Variants in HSPG2 observed in about 807,000 individuals in gnomAD.
The protein encoded by HSPG2 is heparan sulfate proteoglycan 2.
Under a neutral mutation model 526.6 loss-of-function variants are expected in HSPG2, and 278 were observed. That is an observed-to-expected ratio of 0.53 (90% CI 0.48 to 0.58). The LOEUF (loss-of-function observed/expected upper bound fraction) is 0.58. Ranked by LOEUF, HSPG2 falls within the 20% of genes least tolerant of loss-of-function variation. The pLI, the probability that HSPG2 is intolerant of heterozygous loss-of-function variation, is 0.00. For missense variants in HSPG2, 5,354 were observed against 6,099.5 expected, an observed-to-expected ratio of 0.88 and a Z score of 4.07; for synonymous variants, 2,465 against 2,555.4, an observed-to-expected ratio of 0.96 and a Z score of 1.07.
chr1:21,884,104 G>T (rs114502069), intron 13 of HSPG2, among the ~76,000 whole-genome samples: 3 of 152,142 alleles, frequency 2.0e-5, no homozygotes, highest in Non-Finnish European at 4.4e-5. Context: ...CTGAAAATGC[G>T]CTGAGCACAA....
Position 21,890,238 on chromosome 1 carries a change from G to T in HSPG2, c.414-97C>A. ...CGCCCCGACGCTCAGGCCCTGTTCC[G>T]GGACAGCCTGTACCCAAAGAAGGGC... On this transcript the variant is annotated intron_variant, in intron 5 of 96. Coordinates refer to ENST00000374695, the MANE Select transcript of HSPG2 (RefSeq NM_005529.7). This position sits in a 1 kb window ranked among gnomAD's most constrained non-coding sequence, Gnocchi z 4.1. 2 of 1,479,472 alleles carry T rather than the reference G, an allele frequency of 1.4e-6. No individual in the cohort carries two copies. The highest frequency in any genetic ancestry group is 1.9e-6 in the Non-Finnish European group (2 of 1,062,906). 91.6% of individuals were successfully genotyped at this position (1,479,472 alleles called of 1,614,324 possible).
At chr1:21,869,439 T>C (rs1298346681) in intron 33 of HSPG2, 12 of 985,746 alleles carry the variant, frequency 1.2e-5, no homozygotes, top group African/African-American at 1.7e-5. Flanking sequence ...TGGGTGGGGA[T>C]CCCTTGATGG....
rs1409123657 is a variant in HSPG2 at position 21,904,994 on chromosome 1, G to A, written c.64-8684C>T. Among the ~76,000 whole-genome samples, 2 of 152,100 alleles carry A rather than the reference G, an allele frequency of 1.3e-5. No homozygotes were observed. The highest frequency in any genetic ancestry group is 2.4e-5 in the African/African-American group (1 of 41,410). On this transcript the variant is annotated intron_variant, in intron 1 of 96. Transcript: ENST00000374695. The surrounding 1 kb of genome is among the most constrained non-coding windows in gnomAD (Gnocchi z 4.4). Reference sequence around the variant, plus strand: ...GTGCCAGGACTATGGAAGGATGGGCGGAATGTTCCACAAAGTTATGTTGCC... The same window carrying A: ...GTGCCAGGACTATGGAAGGATGGGCAGAATGTTCCACAAAGTTATGTTGCC...
At chr1:21,842,439 C>T in intron 67 of HSPG2, 59 bp from the exon 68 acceptor site, 2 of 1,503,506 alleles carry the variant, frequency 1.3e-6, no homozygotes, top group Non-Finnish European at 1.8e-6. Context: ...AGGAATGTCC[C>T]CAAGCCCAAC....
At chr1:21,869,418 A>T (rs571674348) in intron 33 of HSPG2, 1 of 984,310 alleles carries the variant, frequency 1.0e-6, no homozygotes, top group South Asian at 4.7e-5. Context: ...ACTGAAGTCT[A>T]GAAAGCATGG....
rs752775452 is a variant in HSPG2 at position 21,872,940 on chromosome 1, G to A, written c.3888+57C>T. On this transcript the variant is annotated intron_variant, in intron 31 of 96. Coordinates refer to ENST00000374695, the MANE Select transcript of HSPG2 (RefSeq NM_005529.7). The surrounding 1 kb of genome is among the most constrained non-coding windows in gnomAD (Gnocchi z 5.5). ...CCACCAGATGCTGCCTGATTTCCCC[G>A]CAGGGTCTGGGCAGCGGGGCAGAGC... 28 of 1,572,294 alleles carry A rather than the reference G, an allele frequency of 1.8e-5. No homozygotes were observed. The highest frequency in any genetic ancestry group is 1.1e-4 in the East Asian group (5 of 44,700).
At chr1:21,871,040 C>T (rs535493362) in intron 33 of HSPG2, among the ~76,000 whole-genome samples, 19 of 152,268 alleles carry the variant, frequency 1.2e-4, no homozygotes, top group South Asian at 1.2e-3. Context: ...CTGTGTCCAA[C>T]GAACAGGGAT....
chr1:21,908,378 A>G lies in HSPG2; in HGVS notation c.64-12068T>C. The G allele has an allele frequency of 2.8e-6, 3 of 1,061,854 alleles. No individual in the cohort carries two copies. The South Asian group carries it at 3.8e-5, about 13-fold the overall frequency. The allele number at this position is 1,061,854 out of a possible 1,614,324, so 65.8% of individuals were successfully genotyped here. A position where few individuals can be genotyped will look rare whatever the true frequency, so the allele number is the denominator to read the frequency against. ...GCCAAGAGAATTAATGTGCGTATTG[A>G]GCACATTAAGCACTCTGAGAGCCGA... On this transcript the variant is annotated intron_variant, in intron 1 of 96. Transcript: ENST00000374695.
At position 21,874,921 on chromosome 1, in the gene HSPG2, G is replaced by A. The variant is rs774467975; in HGVS notation, c.3384C>T (p.Cys1128=). The A allele has an allele frequency of 2.5e-6, 4 of 1,612,896 alleles. No homozygotes were observed. The South Asian group carries it at 3.3e-5, about 13-fold the overall frequency. The part of the protein sequence containing the change: ...DPALEVEQCS[C]PPGYRGPSCQ... ...AGGACGGCCCACGGTACCCGGGTGGGCAGGAGCACTGTTCCACTTCCAGCG... is the reference window on the plus strand; with the variant it reads ...AGGACGGCCCACGGTACCCGGGTGGACAGGAGCACTGTTCCACTTCCAGCG... Residue 1128 remains cysteine, a synonymous_variant, in exon 26 of 97, where the codon TGC becomes TGT. Coordinates refer to ENST00000374695, the MANE Select transcript of HSPG2 (RefSeq NM_005529.7).
chr1:21,847,699 G>C lies in HSPG2; in HGVS notation c.8015C>G (p.Ser2672Cys), dbSNP rs202238378. ...TWYKRGGSLPSRHQTHGSHLR... is the reference protein window; with the variant it reads ...TWYKRGGSLPCRHQTHGSHLR... ...GGCTCCACTCTGTACCTGGTGTCGGGAGGGAAGGCTGCCCCCACGCTTGTA... is the reference window on the plus strand; with the variant it reads ...GGCTCCACTCTGTACCTGGTGTCGGCAGGGAAGGCTGCCCCCACGCTTGTA... Residue 2672 changes from serine to cysteine, a missense_variant, in exon 61 of 97, where the codon TCC becomes TGC. By Grantham distance (112) the Ser-to-Cys change is moderately radical (BLOSUM62 -1). Coordinates refer to ENST00000374695, the MANE Select transcript of HSPG2 (RefSeq NM_005529.7). This position sits in a 1 kb window ranked among gnomAD's most constrained non-coding sequence, Gnocchi z 4.1. The C allele has an allele frequency of 6.2e-7, 1 of 1,608,828 alleles. No individual in the cohort carries two copies. The highest frequency in any genetic ancestry group is 8.5e-7 in the Non-Finnish European group (1 of 1,177,886).
chr1:21,929,439 G>A (rs72871789), intron 1 of HSPG2, among the ~76,000 whole-genome samples: 13,509 of 150,996 alleles, frequency 0.089, 1,532 homozygotes, highest in African/African-American at 0.26. Flanking sequence ...ACAGGATCGC[G>A]TTCTATCACC....
chr1:21,927,495 G>T (rs1009453794), intron 1 of HSPG2, among the ~76,000 whole-genome samples: 11 of 149,420 alleles, frequency 7.4e-5, no homozygotes, highest in Admixed American at 6.7e-4. Context: ...GTAGGCCAGG[G>T]GGGGACAGGG....
At chr1:21,835,285 G>C (rs2098021887) in intron 76 of HSPG2, 4 of 598,486 alleles carry the variant, frequency 6.7e-6, no homozygotes, top group Non-Finnish European at 1.2e-5. Flanking sequence ...CACCATGCCC[G>C]GTTCACACTG....
At chr1:21,871,258 GTTT>G (rs5772965) in intron 33 of HSPG2, among the ~76,000 whole-genome samples, 3 of 114,698 alleles carry the variant, frequency 2.6e-5, no homozygotes, top group Admixed American at 1.0e-4. Flanking sequence ...CAGAGTATTT[GTTT>G]TTTTTTTTTT....
Position 21,838,885 on chromosome 1 carries a change from G to A in HSPG2, c.10090C>T (p.Arg3364Cys), listed in dbSNP as rs755855793. Residue 3364 changes from arginine (R) to cysteine (C), a missense_variant, in exon 74 of 97, where the codon CGC (arginine) becomes TGC (cysteine). Arg to Cys is a radical substitution (Grantham distance 180). Coordinates refer to ENST00000374695, the MANE Select transcript of HSPG2 (RefSeq NM_005529.7). ...CCCACCTTGTTGGTGACCCGGCAGC[G>A]GTAGCGGCCTGAGTCCTCAGGGGCT... The part of the protein sequence containing the change: ...RAAPEDSGRY[R>C]CRVTNKVGSA... The A allele has an allele frequency of 5.6e-5, 90 of 1,612,482 alleles. No homozygotes were observed. The highest frequency in any genetic ancestry group is 8.9e-5 in the East Asian group (4 of 44,880).
chr1:21,841,819 T>A, intron 69 of HSPG2, 146 bp from the exon 70 acceptor site: 1 of 1,306,190 alleles, frequency 7.7e-7, no homozygotes, highest in Non-Finnish European at 1.1e-6. Flanking sequence ...TAGCAGAAAG[T>A]AACAAAGGCC....
rs369911287 is a variant in HSPG2, at chr1:21,886,759, T to C, written c.1078+456A>G. Among the ~76,000 whole-genome samples, 5 of 152,036 alleles carry C rather than the reference T, an allele frequency of 3.3e-5. No individual in the cohort carries two copies. The East Asian group carries it at 7.7e-4, about 24-fold the overall frequency. On this transcript the variant is annotated intron_variant, in intron 9 of 96. Coordinates refer to ENST00000374695, the MANE Select transcript of HSPG2 (RefSeq NM_005529.7). ...GCTGGGTGGATGGATAATGGGTGTA[T>C]AGGTGGGTGCATGGGTGGCTGGGGA... is the stretch of plus-strand genomic sequence containing the variant.
intron 6 of HSPG2, among the ~76,000 whole-genome samples, chr1:21,888,282 G>A (rs1188886347): frequency 6.6e-6 from 1 of 152,172 alleles, no homozygotes; most frequent in African/African-American, 2.4e-5. Flanking sequence ...CTCTAAAACA[G>A]ACCCCACACA....
chr1:21,827,511 T>G (rs1012595887), intron 91 of HSPG2, among the ~76,000 whole-genome samples: 3 of 152,222 alleles, frequency 2.0e-5, no homozygotes, highest in African/African-American at 7.2e-5. Flanking sequence ...CTTCACTGTT[T>G]CCTTAGCTTT....
Sources: allele counts gnomAD v4.1 joint callset (sites outside exome capture counted in the v4.1 genomes callset), GRCh38; gene constraint gnomAD v4.1.1; non-coding constraint Gnocchi (gnomAD v3.1); transcripts MANE v1.5; gene names NCBI Gene and HGNC (gene_info 2026-07-23, HGNC 2026-07-21).